The following SPAG9 variants were observed in gnomAD, a reference collection of about 807,000 sequenced individuals.
The protein encoded by SPAG9 is C-Jun-amino-terminal kinase-interacting protein 4.
SPAG9 carries 35 observed loss-of-function variants against 166.5 expected under a neutral mutation model. The ratio of observed to expected loss-of-function variants is 0.21; its 90% CI spans 0.16 to 0.28. The LOEUF is 0.28. Among genes scored for constraint, SPAG9 ranks in the 10% least tolerant of loss-of-function variants. The probability of loss-of-function intolerance (pLI) is 1.00; values close to 1 mark genes in which losing one functional copy is unlikely to be tolerated. For missense variants in SPAG9, 1,235 were observed against 1,603.3 expected (o/e 0.77, Z 3.92); for synonymous variants, 534 against 565.5 (o/e 0.94, Z 0.79).
intron 2 of SPAG9, among the ~76,000 whole-genome samples, chr17:51,075,821 C>G (rs1287796603): frequency 1.3e-5 from 2 of 151,910 alleles, no homozygotes; most frequent in Non-Finnish European, 2.9e-5. Context: ...CAGACTCGGT[C>G]TCTGAGAAAA....
At chr17:50,974,237 C>G (rs1452041899) in intron 28 of SPAG9, among the ~76,000 whole-genome samples, 2 of 152,136 alleles carry the variant, frequency 1.3e-5, no homozygotes, top group Non-Finnish European at 2.9e-5. Context: ...ATTTTCATAA[C>G]AAATGAAGTA....
chr17:51,107,834 G>A (rs984400805), intron 1 of SPAG9, among the ~76,000 whole-genome samples: 4 of 151,502 alleles, frequency 2.6e-5, no homozygotes, highest in Non-Finnish European at 1.5e-5. Flanking sequence ...GGGATAGCTT[G>A]AGCCCAGGAG....
chr17:51,041,066 G>A (rs770279758), intron 5 of SPAG9, among the ~76,000 whole-genome samples: 2 of 152,146 alleles, frequency 1.3e-5, no homozygotes, highest in Admixed American at 6.5e-5. Flanking sequence ...ACTGCTCTAT[G>A]AAGCGGTTTT....
At chr17:51,004,348 T>C (rs2045101627) in intron 12 of SPAG9, among the ~76,000 whole-genome samples, 1 of 152,138 alleles carries the variant, frequency 6.6e-6, no homozygotes, top group South Asian at 2.1e-4. Flanking sequence ...CATAAGATAC[T>C]AAAAAACAGA....
At chr17:50,989,554 G>C in intron 21 of SPAG9, 123 bp downstream of exon 21, 1 of 787,394 alleles carries the variant, frequency 1.3e-6, no homozygotes, top group African/African-American at 1.7e-5. Context: ...ACAAGAATAG[G>C]TATCTTTTAA....
chr17:51,068,822 T>C (rs1461121457), intron 2 of SPAG9, among the ~76,000 whole-genome samples: 4 of 152,174 alleles, frequency 2.6e-5, no homozygotes, highest in Non-Finnish European at 5.9e-5. Flanking sequence ...TAGATATTAA[T>C]TATAAATTAC....
At chr17:51,108,640 G>A (rs1029528004) in intron 1 of SPAG9, among the ~76,000 whole-genome samples, 1 of 151,754 alleles carries the variant, frequency 6.6e-6, no homozygotes, top group Non-Finnish European at 1.5e-5. Flanking sequence ...GGAGCCACAG[G>A]TGCATACCAC....
At chr17:51,037,685 A>ATATATATATAGTGTGT in intron 5 of SPAG9, among the ~76,000 whole-genome samples, 59 of 83,500 alleles carry the variant, frequency 7.1e-4, no homozygotes, top group African/African-American at 9.0e-4. Flanking sequence ...ATATATATAT[A>ATATATATATAGTGTGT]GTGTGTGTGT....
At chr17:50,998,022 ATTTTTTTTTTTTT>A (rs563896612) in intron 15 of SPAG9, among the ~76,000 whole-genome samples, 3,543 of 90,850 alleles carry the variant, frequency 0.039, 190 homozygotes, top group African/African-American at 0.14. Context: ...TACAGAAATG[ATTTTTTTTTTTTT>A]TTTTTTTTTT....
intron 8 of SPAG9, chr17:51,016,081 T>A (rs2045686076): frequency 6.6e-6 from 1 of 152,070 alleles, no homozygotes. Flanking sequence ...GAACTCAGCA[T>A]GAAAATGAAG....
intron 1 of SPAG9, among the ~76,000 whole-genome samples, chr17:51,096,493 T>C (rs146750852): frequency 2.1e-3 from 326 of 152,264 alleles, no homozygotes; most frequent in Middle Eastern, 0.01. Context: ...GATAGGAATA[T>C]AAATCACTGC....
intron 1 of SPAG9, among the ~76,000 whole-genome samples, chr17:51,111,072 C>T (rs954782436): frequency 3.3e-5 from 5 of 151,600 alleles, no homozygotes; most frequent in Admixed American, 6.6e-5. Context: ...GCCGAGATCC[C>T]GCCACTGCAC....
chr17:50,990,369 G>T, intron 20 of SPAG9, 81 bp downstream of exon 20: 1 of 1,050,394 alleles, frequency 9.5e-7, no homozygotes, highest in Non-Finnish European at 1.5e-6. Context: ...TGTTACTTAA[G>T]ATCTAAATTA....
intron 24 of SPAG9, among the ~76,000 whole-genome samples, chr17:50,983,139 A>C (rs1377334536): frequency 6.6e-6 from 1 of 152,240 alleles, no homozygotes; most frequent in Non-Finnish European, 1.5e-5. Flanking sequence ...AAGGAGAACC[A>C]GTCATCAGAA....
intron 1 of SPAG9, chr17:51,084,391 A>C (rs1289293662): frequency 6.6e-6 from 1 of 152,106 alleles, no homozygotes; most frequent in African/African-American, 2.4e-5. Context: ...TAACCAAAAA[A>C]AAAATTTTTT....
chr17:50,962,369 T>C lies in SPAG9; in HGVS notation c.*3903A>G, dbSNP rs1040140005. ...CCATTTTTCAGATTATAGAGGCAAG[T>C]AAAATTCTGATAGAATGTCTTGGAC... On this transcript the variant is annotated 3_prime_UTR_variant, in exon 30 of 30. Coordinates refer to ENST00000262013, the MANE Select transcript of SPAG9 (RefSeq NM_001130528.3). The C allele has an allele frequency of 1.3e-5, 2 of 152,224 alleles. No homozygotes were observed. Among genetic ancestry groups the C allele is most frequent in the East Asian group, 3.8e-4 (2 of 5,198 alleles). 9.4% of individuals were successfully genotyped at this position (152,224 alleles called of 1,614,324 possible). A position where few individuals can be genotyped will look rare whatever the true frequency, so the allele number is the denominator to read the frequency against.
rs9904407 is a variant in SPAG9 at position 51,074,786 on chromosome 17, C to T, written c.424+4798G>A. On this transcript the variant is annotated intron_variant, in intron 2 of 29. Transcript: ENST00000262013. The stretch of plus-strand genomic sequence containing the variant: ...GAGAGGAATGAGAAGATGGATACCA[C>T]AGAATATGACAATTCCAAAAAAGGT... 2.2e-3 allele frequency among the ~76,000 whole-genome samples: 339 copies of T among 152,066 alleles called. 1 individual carries two copies. Among genetic ancestry groups the T allele is most frequent in the African/African-American group, 6.9e-3 (288 of 41,460 alleles).
chr17:50,982,656 C>T lies in SPAG9; in HGVS notation c.3105G>A (p.Leu1035=), dbSNP rs1184139901. The change falls in exon 25 of 30, where the codon TTG becomes TTA. Residue 1035 remains leucine (L), a synonymous_variant. Transcript: ENST00000262013. ...FHRGVDGQWD[L]SNYHLLDLGR... ...CAAGGTCTAAGAGGTGATAGTTTGA[C>T]AAATCCCACTGCCCATCTTTAAAAA... The T allele has an allele frequency of 6.2e-7, 1 of 1,609,378 alleles. No individual in the cohort carries two copies. The highest frequency in any genetic ancestry group is 1.3e-5 in the African/African-American group (1 of 74,784).
chr17:51,116,219 T>C (rs529294713), intron 1 of SPAG9, among the ~76,000 whole-genome samples: 9 of 152,068 alleles, frequency 5.9e-5, no homozygotes, highest in Non-Finnish European at 1.2e-4. Context: ...ATAATTTTTG[T>C]ATTTTTAGTA....
Sources: gnomAD v4.1 joint callset for allele counts (sites outside exome capture counted in the v4.1 genomes callset) on GRCh38, gnomAD v4.1.1 for gene constraint, MANE v1.5 for transcripts, NCBI Gene and HGNC (gene_info 2026-07-23, HGNC 2026-07-21) for gene names.